Variants in SCUBE2 observed in about 807,000 individuals in gnomAD.
The protein encoded by SCUBE2 is signal peptide, CUB and EGF-like domain-containing protein 2.
SCUBE2 carries 114 observed loss-of-function variants against 125.9 expected under a neutral mutation model. The observed-to-expected ratio is 0.91, with a 90% CI of 0.78 to 1.06. SCUBE2 has a LOEUF of 1.06. SCUBE2 is among the 50% of genes least tolerant of loss of function. The pLI, the probability that SCUBE2 is intolerant of heterozygous loss-of-function variation, is 0.00. For missense variants in SCUBE2, 1,255 were observed against 1,301.8 expected (o/e 0.96, Z 0.55); for synonymous variants, 459 against 492.9 (o/e 0.93, Z 0.91).
At chr11:9,071,918 A>G (rs1231776496) in intron 4 of SCUBE2, among the ~76,000 whole-genome samples, 1 of 152,092 alleles carries the variant, frequency 6.6e-6, no homozygotes, top group Non-Finnish European at 1.5e-5. Context: ...ATAGGAACAA[A>G]GGCGGGCCGG....
At chr11:9,060,304 C>T in intron 8 of SCUBE2, 104 bp downstream of exon 8, 1 of 809,106 alleles carries the variant, frequency 1.2e-6, no homozygotes, top group South Asian at 1.7e-5. Flanking sequence ...AATCTCGAGT[C>T]ACGTGGGGTA....
rs1280981721 is a variant in SCUBE2 at position 9,053,233 on chromosome 11, G to C, written c.1331-18C>G. 11 of 1,589,164 alleles carry C rather than the reference G, an allele frequency of 6.9e-6. No homozygotes were observed. Among genetic ancestry groups the C allele is most frequent in the Non-Finnish European group, 9.5e-6 (11 of 1,157,596 alleles). ...CTTCACTTCTAGACAGGACAAAACA[G>C]ACACTTACAGAAAGAGAAGGACATT... is the stretch of plus-strand genomic sequence containing the variant. On this transcript the variant is annotated intron_variant, in intron 11 of 22. Transcript: ENST00000649792.
rs760066946 is a variant in SCUBE2 at position 9,052,823 on chromosome 11, C to T, written c.1457G>A (p.Gly486Glu). The T allele has an allele frequency of 5.9e-6, 9 of 1,536,588 alleles. No homozygotes were observed. The highest frequency in any genetic ancestry group is 1.2e-5 in the South Asian group (1 of 84,016). Residue 486 changes from glycine to glutamate, a missense_variant, in exon 13 of 23, where the codon GGG (glycine) becomes GAG (glutamate). By Grantham distance (98) the Gly-to-Glu change is moderately conservative. Coordinates refer to ENST00000649792, the MANE Select transcript of SCUBE2 (RefSeq NM_001367977.2). ...SGIHLSSGLQ[G>E]AYSVTCGSSS... ...AGAGCCACAGGTGACAGAGTAGGCC[C>T]CTTGCAGTCCTGACAGACAGAATGT...
At chr11:9,036,382 A>G (rs1282468396) in intron 16 of SCUBE2, among the ~76,000 whole-genome samples, 1 of 152,090 alleles carries the variant, frequency 6.6e-6, no homozygotes, top group Non-Finnish European at 1.5e-5. Flanking sequence ...TGAATTCTGT[A>G]TTACGAACTC....
intron 16 of SCUBE2, among the ~76,000 whole-genome samples, chr11:9,040,345 A>G (rs1054042154): frequency 1.3e-5 from 2 of 152,246 alleles, no homozygotes; most frequent in Admixed American, 6.5e-5. Context: ...CTCTCAAAGT[A>G]TCTTATAGTA....
Position 9,091,512 on chromosome 11 carries a change from C to T in SCUBE2, c.17G>A (p.Arg6His), listed in dbSNP as rs753771236. ...CGCCCAGGCCGCCCCGGGACGGTTG[C>T]GGCCCGCGACCCCCATGGATGGCTC... is the stretch of plus-strand genomic sequence containing the variant. MGVAG[R>H]NRPGAAWAVL... The change falls in exon 1 of 23, where the codon CGC becomes CAC. Residue 6 changes from arginine (R) to histidine (H), a missense_variant. Physicochemically the swap from Arg to His is conservative, Grantham distance 29 (BLOSUM62 0). Coordinates refer to ENST00000649792, the MANE Select transcript of SCUBE2 (RefSeq NM_001367977.2). The surrounding 1 kb of genome is among the most constrained non-coding windows in gnomAD (Gnocchi z 8.5). 6 of 943,214 alleles carry T rather than the reference C, an allele frequency of 6.4e-6. No homozygotes were observed. Among genetic ancestry groups the T allele is most frequent in the Non-Finnish European group, 5.5e-6 (4 of 725,492 alleles). 58.4% of individuals were successfully genotyped at this position (943,214 alleles called of 1,614,324 possible). A position where few individuals can be genotyped will look rare whatever the true frequency, so the allele number is the denominator to read the frequency against.
intron 9 of SCUBE2, among the ~76,000 whole-genome samples, chr11:9,058,119 C>T (rs77644606): frequency 0.023 from 3,478 of 152,268 alleles, 140 homozygotes; most frequent in African/African-American, 0.079. Context: ...CAAGCCCTCC[C>T]CCTCCCTCTC....
In SCUBE2 at chr11:9,069,469, G is replaced by C; in HGVS notation, c.544C>G (p.His182Asp). ...TCCTTGCAGATGTGACTACAGCCGT[G>C]ATCCTTATTCATGCAGCTCAGGCCC... ...EEGLSCMNKD[H>D]GCSHICKEAP... Residue 182 changes from histidine to aspartate, a missense_variant, in exon 5 of 23, where the codon CAC becomes GAC. Transcript: ENST00000649792. 1 of 1,614,248 alleles carries C rather than the reference G, an allele frequency of 6.2e-7. No homozygotes were observed. Among genetic ancestry groups the C allele is most frequent in the Non-Finnish European group, 8.5e-7 (1 of 1,180,036 alleles).
Position 9,060,472 on chromosome 11 carries a change from C to G in SCUBE2, c.903G>C (p.Ser301=), listed in dbSNP as rs545828647. The change falls in exon 8 of 23, where the codon TCG becomes TCC. Residue 301 remains serine, a synonymous_variant. Coordinates refer to ENST00000649792, the MANE Select transcript of SCUBE2 (RefSeq NM_001367977.2). ...GGCDRTCKDT[S]TGVHCSCPVG... ...CAGGACAACTGCAGTGGACACCTGTCGAAGTATCCTTACAGGTGCGGTCAC... is the reference window on the plus strand; with the variant it reads ...CAGGACAACTGCAGTGGACACCTGTGGAAGTATCCTTACAGGTGCGGTCAC... 5.3e-5 allele frequency: 86 copies of G among 1,614,086 alleles called. No individual in the cohort carries two copies. Among genetic ancestry groups the G allele is most frequent in the Middle Eastern group, 3.3e-4 (2 of 6,062 alleles).
chr11:9,083,167 T>G (rs1304708984), intron 2 of SCUBE2, among the ~76,000 whole-genome samples: 5 of 151,458 alleles, frequency 3.3e-5, no homozygotes, highest in African/African-American at 1.2e-4. Context: ...GTTTAAGGAA[T>G]AAGGGAAATG....
chr11:9,055,663 C>G, intron 10 of SCUBE2, 130 bp downstream of exon 10: 1 of 708,850 alleles, frequency 1.4e-6, no homozygotes, highest in Non-Finnish European at 2.6e-6. Flanking sequence ...ATGGACTCAC[C>G]GCTATTGCTC....
chr11:9,062,757 A>C (rs1284652762), intron 7 of SCUBE2, among the ~76,000 whole-genome samples: 1 of 152,116 alleles, frequency 6.6e-6, no homozygotes, highest in African/African-American at 2.4e-5. Context: ...TATCCTGTGC[A>C]AAGATTAGAA....
intron 2 of SCUBE2, among the ~76,000 whole-genome samples, chr11:9,080,998 C>T (rs996490384): frequency 5.3e-5 from 8 of 152,142 alleles, no homozygotes; most frequent in African/African-American, 1.4e-4. Flanking sequence ...AAATGCTCAA[C>T]GCCATTAGTT....
At chr11:9,068,450 G>C (rs961832341) in intron 5 of SCUBE2, among the ~76,000 whole-genome samples, 1 of 152,196 alleles carries the variant, frequency 6.6e-6, no homozygotes, top group African/African-American at 2.4e-5. Context: ...GGGGAGGACT[G>C]AGAGGAAAAA....
At chr11:9,071,929 G>A (rs1276511583) in intron 4 of SCUBE2, among the ~76,000 whole-genome samples, 1 of 151,958 alleles carries the variant, frequency 6.6e-6, no homozygotes, top group Non-Finnish European at 1.5e-5. Context: ...GGCGGGCCGG[G>A]GGTGATGTGC....
intron 17 of SCUBE2, among the ~76,000 whole-genome samples, chr11:9,032,709 G>A (rs1229945242): frequency 6.6e-6 from 1 of 152,086 alleles, no homozygotes; most frequent in Non-Finnish European, 1.5e-5. Context: ...CTCCAGCCTT[G>A]GTGACAGAGT....
intron 10 of SCUBE2, among the ~76,000 whole-genome samples, 163 bp from the exon 11 acceptor site, chr11:9,053,922 G>A (rs1858707425): frequency 6.6e-6 from 1 of 151,058 alleles, no homozygotes; most frequent in Non-Finnish European, 1.5e-5. Context: ...CCAGCTGACT[G>A]CACACCCCAC....
chr11:9,060,573 T>A (rs1859578267), intron 7 of SCUBE2, 49 bp from the exon 8 acceptor site: 4 of 1,505,038 alleles, frequency 2.7e-6, no homozygotes, highest in African/African-American at 2.7e-5. Flanking sequence ...GAAGTGCTGA[T>A]ACAGCTGACG....
At chr11:9,071,340 T>C (rs937929254) in intron 4 of SCUBE2, among the ~76,000 whole-genome samples, 8 of 152,226 alleles carry the variant, frequency 5.3e-5, no homozygotes, top group African/African-American at 1.9e-4. Flanking sequence ...AGAATGCCTG[T>C]ATGCCAGATG....
Sources: gnomAD v4.1 joint callset for allele counts (sites outside exome capture counted in the v4.1 genomes callset) on GRCh38, gnomAD v4.1.1 for gene constraint, Gnocchi (gnomAD v3.1) non-coding constraint, MANE v1.5 for transcripts, NCBI Gene and HGNC (gene_info 2026-07-23, HGNC 2026-07-21) for gene names.